The following MGAM variants were observed in gnomAD, a reference collection of about 807,000 sequenced individuals.
MGAM encodes alpha-1,4-glucosidase.
MGAM carries 253 observed loss-of-function variants against 358.8 expected under a neutral mutation model. That is an observed-to-expected ratio of 0.71 (90% confidence interval 0.64 to 0.78). The LOEUF (loss-of-function observed/expected upper bound fraction) is 0.78. Among genes scored for constraint, MGAM ranks in the 30% least tolerant of loss-of-function variants. The pLI, the probability that MGAM is intolerant of heterozygous loss-of-function variation, is 0.00. For synonymous variants in MGAM, 1,105 were observed against 1,227.1 expected (o/e 0.90, Z 2.08); for missense variants, 3,080 against 3,432.6 (o/e 0.90, Z 2.57).
At chr7:142,086,017 G>A (rs981210230) in intron 55 of MGAM, 56 bp downstream of exon 55, 2 of 1,532,290 alleles carry the variant, frequency 1.3e-6, no homozygotes, top group Admixed American at 1.8e-5. Context: ...GGGTTTTGTT[G>A]GAGAAAGTGT....
At position 142,092,374 on chromosome 7, in the gene MGAM, T is replaced by A; in HGVS notation, c.6946-147T>A. ...GGGTGAATTCATCTTTCTAGCCAGT[T>A]CTCACCAGGATTTGATGAAGCTCCC... On this transcript the variant is annotated intron_variant, in intron 58 of 70. Transcript: ENST00000475668. 4.4e-6 allele frequency: 4 copies of A among 900,240 alleles called. 1 individual carries two copies. The highest frequency in any genetic ancestry group is 6.8e-6 in the Non-Finnish European group (4 of 592,468). The allele number at this position is 900,240 out of a possible 1,614,324, so 55.8% of individuals were successfully genotyped here. A position where few individuals can be genotyped will look rare whatever the true frequency, so the allele number is the denominator to read the frequency against.
At chr7:142,009,157 T>G (rs1200234016) in intron 3 of MGAM, among the ~76,000 whole-genome samples, 5 of 152,132 alleles carry the variant, frequency 3.3e-5, no homozygotes, top group African/African-American at 1.2e-4. Context: ...CAGTAAAAAT[T>G]CACAAAACAT....
At chr7:142,034,596 T>G in intron 15 of MGAM, 74 bp from the exon 16 acceptor site, 1 of 1,367,972 alleles carries the variant, frequency 7.3e-7, no homozygotes, top group Non-Finnish European at 1.0e-6. Context: ...ATGTCTTTTG[T>G]ATTGTTGCTG....
In MGAM at chr7:142,052,934, C is replaced by G; in HGVS notation, c.3109C>G (p.Pro1037Ala). ...TGCCTTCCCCTCCACACCCGTGAACCCCCTTCGCCTGGATGTCACTTACCA... is the reference window on the plus strand; with the variant it reads ...TGCCTTCCCCTCCACACCCGTGAACGCCCTTCGCCTGGATGTCACTTACCA... Reference protein sequence around the residue: ...ANAFPSTPVNPLRLDVTYHKN... With the variant: ...ANAFPSTPVNALRLDVTYHKN... Residue 1037 changes from proline to alanine, a missense_variant, in exon 26 of 71, where the codon CCC (proline) becomes GCC (alanine). Around this residue, in one of 5 missense-constraint regions of MGAM, gnomAD observed 1,816 missense variants for 1,840.5 expected, o/e 0.99. Transcript: ENST00000475668. 1 of 1,613,868 alleles carries G rather than the reference C, an allele frequency of 6.2e-7. No individual in the cohort carries two copies. The highest frequency in any genetic ancestry group is 8.5e-7 in the Non-Finnish European group (1 of 1,179,846).
chr7:141,990,677 T>C (rs1163104642), intron 2 of MGAM, among the ~76,000 whole-genome samples: 1 of 152,074 alleles, frequency 6.6e-6, no homozygotes, highest in Non-Finnish European at 1.5e-5. Flanking sequence ...TGTTTTTTTA[T>C]TTTTTATTTT....
intron 1 of MGAM, chr7:142,004,352 T>C (rs1804979244): frequency 6.6e-6 from 1 of 152,088 alleles, no homozygotes; most frequent in Non-Finnish European, 1.5e-5. Flanking sequence ...CATGGAATAC[T>C]ACTCATCCAT....
At chr7:142,022,470 A>G (rs1554459313) in intron 7 of MGAM, 31 bp downstream of exon 7, 1 of 1,599,502 alleles carries the variant, frequency 6.3e-7, no homozygotes, top group Non-Finnish European at 8.5e-7. Context: ...CTTTCCACTG[A>G]ATATCATAGT....
Position 142,027,150 on chromosome 7 carries a change from C to T in MGAM, c.1018C>T (p.Arg340Cys), listed in dbSNP as rs199961575. The T allele has an allele frequency of 4.4e-4, 702 of 1,613,530 alleles. 3 individuals carry two copies. Among genetic ancestry groups the T allele is most frequent in the Middle Eastern group, 6.6e-4 (4 of 6,058 alleles). Residue 340 changes from arginine (R) to cysteine (C), a missense_variant, in exon 9 of 71, where the codon CGC becomes TGC. Arg to Cys is a radical substitution (Grantham distance 180, BLOSUM62 -3). Transcript: ENST00000475668. ...VLQPAPAITY[R>C]TIGGILDFYV... ...TCAGCCTGCGCCAGCCATCACTTAC[C>T]GCACCATTGGGGGCATTCTCGACTT...
At chr7:142,050,887 T>C (rs1345437647) in intron 24 of MGAM, 23 bp downstream of exon 24, 1 of 1,613,302 alleles carries the variant, frequency 6.2e-7, no homozygotes, top group Admixed American at 1.7e-5. Context: ...TTTGTTGAGA[T>C]GGTACATTGA....
At chr7:142,042,948 T>A (rs1302506274) in intron 21 of MGAM, among the ~76,000 whole-genome samples, 2 of 62,594 alleles carry the variant, frequency 3.2e-5, no homozygotes, top group Non-Finnish European at 5.4e-5. Context: ...ATATATATAT[T>A]ATATATACAT....
At chr7:142,058,552 T>G (rs1256323399) in intron 31 of MGAM, among the ~76,000 whole-genome samples, 1 of 152,220 alleles carries the variant, frequency 6.6e-6, no homozygotes, top group Admixed American at 6.5e-5. Flanking sequence ...GAGTGGGAGA[T>G]AGGCTGGCTC....
chr7:142,009,221 A>G (rs553280217), intron 3 of MGAM, among the ~76,000 whole-genome samples: 4 of 152,154 alleles, frequency 2.6e-5, no homozygotes, highest in East Asian at 1.9e-4. Flanking sequence ...GAAGAAGGTA[A>G]TGAATACCAG....
chr7:142,096,081 T>C (rs1378674551), intron 64 of MGAM: 3 of 599,526 alleles, frequency 5.0e-6, no homozygotes, highest in Non-Finnish European at 8.9e-6. Flanking sequence ...AAGTTTGCCA[T>C]GGTTGAGAAA....
chr7:142,062,006 G>GAA lies in MGAM; in HGVS notation c.4123-561_4123-560insAA, dbSNP rs1353585812. ...GGGTAGAGGAAAATAAAGGGAAGTT[G>GAA]ATGCATCCTCTTTAAGTCCTCTCAA... is the stretch of plus-strand genomic sequence containing the variant. On this transcript the variant is annotated intron_variant, in intron 34 of 70. Transcript: ENST00000475668. 3.3e-5 allele frequency among the ~76,000 whole-genome samples: 5 copies of GAA among 152,196 alleles called. No individual in the cohort carries two copies. In the East Asian group the frequency reaches 7.7e-4, roughly 23 times the overall value.
chr7:141,986,592 C>T (rs1191527241), intron 2 of MGAM, among the ~76,000 whole-genome samples: 1 of 152,064 alleles, frequency 6.6e-6, no homozygotes, highest in African/African-American at 2.4e-5. Flanking sequence ...CACATTTTTC[C>T]CTTGGGGTAG....
Position 142,025,092 on chromosome 7 carries a change from C to T in MGAM, c.925C>T (p.Leu309Phe). 1 of 1,613,662 alleles carries T rather than the reference C, an allele frequency of 6.2e-7. No individual in the cohort carries two copies. The highest frequency in any genetic ancestry group is 8.5e-7 in the Non-Finnish European group (1 of 1,179,674). The change falls in exon 8 of 71, where the codon CTT becomes TTT. Residue 309 changes from leucine (L) to phenylalanine (F), a missense_variant. Transcript: ENST00000475668. The stretch of plus-strand genomic sequence containing the variant: ...TGGTGCGCAGACATTCTTCTTGTGC[C>T]TTGAAGATGCTAGTGGATTGTCCTT... ...LYGAQTFFLC[L>F]EDASGLSFGV...
chr7:142,060,110 C>A, intron 33 of MGAM, 144 bp downstream of exon 33: 1 of 1,271,708 alleles, frequency 7.9e-7, no homozygotes, highest in South Asian at 1.5e-5. Flanking sequence ...CTCCTTTTCT[C>A]AATCAATATT....
In MGAM at chr7:142,103,382, C is replaced by G; in HGVS notation, c.8127C>G (p.Ser2709Arg). 1 of 1,613,054 alleles carries G rather than the reference C, an allele frequency of 6.2e-7. No homozygotes were observed. Among genetic ancestry groups the G allele is most frequent in the Non-Finnish European group, 8.5e-7 (1 of 1,179,500 alleles). Residue 2709 changes from serine to arginine, a missense_variant, in exon 70 of 71, where the codon AGC (serine) becomes AGG (arginine). Ser to Arg is a moderately radical substitution (Grantham distance 110). Transcript: ENST00000475668. ...GVGSVPVTSV[S>R]ISVSGMVITP... is the part of the protein sequence containing the mutation. ...GCAGTGTCCCCGTTACCAGTGTCAG[C>G]ATCTCTGTGAGTGGCATGGTCATAA...
Position 142,080,133 on chromosome 7 carries a change from T to C in MGAM, c.5848-658T>C, listed in dbSNP as rs137879016. On this transcript the variant is annotated intron_variant, in intron 49 of 70. Transcript: ENST00000475668. ...CTAATACTCTAGATTGTATTTCTCC[T>C]GGGAGACCATCTCAGTCTCCCAGAA... 8.6e-3 allele frequency among the ~76,000 whole-genome samples: 1,263 copies of C among 146,904 alleles called. 147 individuals are homozygous for C. The South Asian group carries it at 0.095, about 11-fold the overall frequency.
Sources: allele counts gnomAD v4.1 joint callset (sites outside exome capture counted in the v4.1 genomes callset), GRCh38; gene constraint gnomAD v4.1.1; regional missense constraint gnomAD v4.1.1; transcripts MANE v1.5; gene names NCBI Gene and HGNC (gene_info 2026-07-23, HGNC 2026-07-21).